The following CADPS2 variants were observed in gnomAD, a reference collection of about 807,000 sequenced individuals.
CADPS2 encodes the protein calcium-dependent secretion activator 2.
Under a neutral mutation model 172.5 loss-of-function variants are expected in CADPS2, and 93 were observed. The ratio of observed to expected loss-of-function variants is 0.54; its 90% CI spans 0.46 to 0.64. The LOEUF is 0.64. Ranked by LOEUF, CADPS2 falls within the 30% of genes least tolerant of loss-of-function variation. The pLI is 0.00. For synonymous variants in CADPS2, 546 were observed against 555.2 expected, an observed-to-expected ratio of 0.98 and a Z score of 0.23; for missense variants, 1,420 against 1,565.9, an observed-to-expected ratio of 0.91 and a Z score of 1.57.
chr7:122,528,898 A>G (rs1368762986), intron 8 of CADPS2, among the ~76,000 whole-genome samples: 1 of 152,140 alleles, frequency 6.6e-6, no homozygotes, highest in Non-Finnish European at 1.5e-5. Context: ...GTCCAAAATG[A>G]ACTACCACTT....
intron 2 of CADPS2, among the ~76,000 whole-genome samples, chr7:122,706,829 T>A: frequency 6.7e-6 from 1 of 149,020 alleles, no homozygotes. Context: ...TATATGTATG[T>A]ACACACACAC....
At chr7:122,522,797 T>A (rs181977341) in intron 8 of CADPS2, among the ~76,000 whole-genome samples, 1 of 152,126 alleles carries the variant, frequency 6.6e-6, no homozygotes, top group East Asian at 1.9e-4. Context: ...TCAACTTTTT[T>A]AGCTTTTACA....
chr7:122,333,433 T>A (rs1379210296), intron 28 of CADPS2, among the ~76,000 whole-genome samples: 1 of 152,186 alleles, frequency 6.6e-6, no homozygotes, highest in East Asian at 1.9e-4. Context: ...CCTTTCTGTC[T>A]CTGAGTCACG....
At chr7:122,722,598 G>A (rs2090571056) in intron 2 of CADPS2, among the ~76,000 whole-genome samples, 1 of 144,562 alleles carries the variant, frequency 6.9e-6, no homozygotes, top group Admixed American at 7.1e-5. Context: ...AATCAATATT[G>A]TGAAAATGGC....
At chr7:122,861,208 A>T (rs1192756073) in intron 1 of CADPS2, among the ~76,000 whole-genome samples, 1 of 152,172 alleles carries the variant, frequency 6.6e-6, no homozygotes, top group African/African-American at 2.4e-5. Flanking sequence ...GTGCCAATTT[A>T]CATTCCCACC....
rs764424106 is a variant in CADPS2 at position 122,588,189 on chromosome 7, T to C, written c.1224-6899A>G. Among the ~76,000 whole-genome samples the C allele has an allele frequency of 7.2e-4, 110 of 152,158 alleles. 1 individual carries two copies. Among genetic ancestry groups the C allele is most frequent in the Non-Finnish European group, 2.1e-4 (14 of 68,012 alleles). The stretch of plus-strand genomic sequence containing the variant: ...CTGTTCACTCTGATGATAGTTTCTT[T>C]TGCTGTGCAGAAGCTCTTTAGTTTA... On this transcript the variant is annotated intron_variant, in intron 6 of 29. Coordinates refer to ENST00000449022, the MANE Select transcript of CADPS2 (RefSeq NM_017954.11).
chr7:122,570,717 G>A (rs1304394580), intron 7 of CADPS2, among the ~76,000 whole-genome samples: 7 of 151,834 alleles, frequency 4.6e-5, no homozygotes, highest in Non-Finnish European at 8.8e-5. Context: ...AAAATGATGA[G>A]TTCATGTCCT....
At chr7:122,830,970 A>C (rs1367409634) in intron 1 of CADPS2, among the ~76,000 whole-genome samples, 3 of 152,170 alleles carry the variant, frequency 2.0e-5, no homozygotes, top group African/African-American at 4.8e-5. Flanking sequence ...ATTTGAGTGG[A>C]AACAGGAAGA....
chr7:122,500,753 G>T (rs567272388), intron 9 of CADPS2, among the ~76,000 whole-genome samples: 39 of 152,232 alleles, frequency 2.6e-4, no homozygotes, highest in African/African-American at 9.4e-4. Flanking sequence ...CAACTAATTA[G>T]GGAGTTATTA....
At chr7:122,720,560 G>T (rs184412522) in intron 2 of CADPS2, among the ~76,000 whole-genome samples, 2 of 151,128 alleles carry the variant, frequency 1.3e-5, no homozygotes, top group Non-Finnish European at 3.0e-5. Flanking sequence ...ATATATGCAT[G>T]TGTCTGTATA....
At chr7:122,404,942 C>T (rs1010589220) in intron 20 of CADPS2, among the ~76,000 whole-genome samples, 8 of 151,692 alleles carry the variant, frequency 5.3e-5, no homozygotes, top group Non-Finnish European at 1.0e-4. Context: ...CTGGCTAGCA[C>T]GGTGAAACCC....
At chr7:122,744,461 G>T (rs2092634206) in intron 1 of CADPS2, among the ~76,000 whole-genome samples, 1 of 152,108 alleles carries the variant, frequency 6.6e-6, no homozygotes, top group African/African-American at 2.4e-5. Context: ...TGTAAGAAAT[G>T]TTCATCTTAA....
At chr7:122,543,419 C>T (rs929393079) in intron 8 of CADPS2, among the ~76,000 whole-genome samples, 3 of 152,076 alleles carry the variant, frequency 2.0e-5, no homozygotes, top group African/African-American at 4.8e-5. Flanking sequence ...GCAAATTTCA[C>T]TCATTCACTC....
chr7:122,478,176 T>C (rs921103829), intron 12 of CADPS2, among the ~76,000 whole-genome samples: 4 of 152,206 alleles, frequency 2.6e-5, no homozygotes, highest in African/African-American at 9.7e-5. Context: ...TTATACTGGA[T>C]TATCTTCAAT....
At chr7:122,674,067 C>T (rs1470155401) in intron 2 of CADPS2, among the ~76,000 whole-genome samples, 2 of 152,156 alleles carry the variant, frequency 1.3e-5, no homozygotes, top group East Asian at 3.9e-4. Flanking sequence ...AGCTGCTGGC[C>T]CAGGTGCTAA....
rs141671685 is a variant in CADPS2, at chr7:122,862,821, C to G, written c.339+23178G>C. ...AATTCCAAATAAATAAATACATGAT[C>G]CTAACTGGAATAGAAATAATAAAAT... On this transcript the variant is annotated intron_variant, in intron 1 of 29. Transcript: ENST00000449022. Among the ~76,000 whole-genome samples, 209 of 151,766 alleles carry G rather than the reference C, an allele frequency of 1.4e-3. 1 individual carries two copies. The highest frequency in any genetic ancestry group is 0.014 in the Middle Eastern group (4 of 294).
intron 2 of CADPS2, among the ~76,000 whole-genome samples, chr7:122,696,582 A>T (rs1344234125): frequency 6.6e-6 from 1 of 152,132 alleles, no homozygotes; most frequent in African/African-American, 2.4e-5. Flanking sequence ...AACACTGAGC[A>T]ACTCACAAGA....
intron 25 of CADPS2, chr7:122,379,015 C>G: frequency 5.4e-6 from 1 of 184,726 alleles, no homozygotes; most frequent in Non-Finnish European, 1.1e-5. Flanking sequence ...GCCATCGCCA[C>G]TACAGATGGG....
chr7:122,660,420 G>A lies in CADPS2; in HGVS notation c.786+2817C>T, dbSNP rs538131851. 4.6e-5 allele frequency among the ~76,000 whole-genome samples: 7 copies of A among 151,994 alleles called. No individual in the cohort carries two copies. The East Asian group carries it at 1.3e-3, about 29-fold the overall frequency. On this transcript the variant is annotated intron_variant, in intron 3 of 29. Coordinates refer to ENST00000449022, the MANE Select transcript of CADPS2 (RefSeq NM_017954.11). ...GCAGTACACCAAAAGACACAAAATG[G>A]AATTCATATAAAGTGTTCAATCAAA... is the stretch of plus-strand genomic sequence containing the variant.
Sources: gnomAD v4.1 joint callset for allele counts (sites outside exome capture counted in the v4.1 genomes callset) on GRCh38, gnomAD v4.1.1 for gene constraint, MANE v1.5 for transcripts, NCBI Gene and HGNC (gene_info 2026-07-23, HGNC 2026-07-21) for gene names.